FAM161A: variants seen among roughly 807,000 people sequenced by gnomAD.
FAM161A encodes protein FAM161A.
FAM161A carries 57 observed loss-of-function variants against 70.9 expected under a neutral mutation model. The ratio of observed to expected loss-of-function variants is 0.80; its 90% CI spans 0.65 to 1.00. FAM161A has a LOEUF of 1.00. FAM161A is among the 50% of genes least tolerant of loss of function. The pLI is 0.00. For missense variants in FAM161A, 880 were observed against 836.0 expected (o/e 1.05, Z -0.65); for synonymous variants, 299 against 295.7 (o/e 1.01, Z -0.12).
the FAM161A span, among the ~76,000 whole-genome samples, chr2:61,805,800 C>T: frequency 6.6e-6 from 1 of 151,940 alleles, no homozygotes; most frequent in African/African-American, 2.4e-5. Flanking sequence ...CTGGGCAATG[C>T]AAAAACACCA....
the FAM161A span, among the ~76,000 whole-genome samples, chr2:61,804,850 AAGGG>A: frequency 4.8e-4 from 70 of 145,848 alleles, no homozygotes; most frequent in Middle Eastern, 7.0e-3. Context: ...AGCAAGGAAG[AAGGG>A]AGGGAGGGAG....
chr2:61,805,344 C>T, the FAM161A span, among the ~76,000 whole-genome samples: 11 of 152,252 alleles, frequency 7.2e-5, no homozygotes, highest in African/African-American at 2.4e-4. Context: ...GGCAAAACCC[C>T]GTGTCTACTA....
Position 61,849,155 on chromosome 2 carries a change from T to C in FAM161A, c.183+4704A>G, listed in dbSNP as rs888053899. ...ATACTTATATATATTTATATATTTA[T>C]TTATATATTTATATAGTATGTACTG... On this transcript the variant is annotated intron_variant, in intron 1 of 6. Coordinates refer to ENST00000404929, the MANE Select transcript of FAM161A (RefSeq NM_001201543.2). Among the ~76,000 whole-genome samples the C allele has an allele frequency of 9.2e-5, 12 of 130,940 alleles. No homozygotes were observed. The South Asian group carries it at 2.4e-3, about 27-fold the overall frequency. The allele number at this position is 130,940 out of a possible 152,430, so 85.9% of individuals were successfully genotyped here.
At position 61,826,120 on chromosome 2, in the gene FAM161A, A is replaced by C; in HGVS notation, c.*335T>G. The C allele has an allele frequency of 2.1e-6, 1 of 483,966 alleles. No individual in the cohort carries two copies. 30.0% of individuals were successfully genotyped at this position (483,966 alleles called of 1,614,324 possible). ...ACCAATACTTCTCTCTCCTTTCAAT[A>C]CTAAGCCATTTTTTCCAGTAAAATT... is the stretch of plus-strand genomic sequence containing the variant. On this transcript the variant is annotated 3_prime_UTR_variant, in exon 7 of 7. Coordinates refer to ENST00000404929, the MANE Select transcript of FAM161A (RefSeq NM_001201543.2).
rs1572881318 is a variant in FAM161A at position 61,840,526 on chromosome 2, C to T, written c.478G>A (p.Glu160Lys). Residue 160 changes from glutamate to lysine, a missense_variant, in exon 3 of 7, where the codon GAG becomes AAG. By Grantham distance (56) the Glu-to-Lys change is moderately conservative. Transcript: ENST00000404929. ...GAGGAAGACTGGCCTAAATCAGGCT[C>T]TGAAAATGATGTCATTAATGAGACA... The part of the protein sequence containing the change: ...HPVSLMTSFS[E>K]PDLGQSSSLY... 1.2e-6 allele frequency: 2 copies of T among 1,613,912 alleles called. No homozygotes were observed. The highest frequency in any genetic ancestry group is 1.7e-6 in the Non-Finnish European group (2 of 1,179,846).
Position 61,836,015 on chromosome 2 carries a change from C to T in FAM161A, c.1846G>A (p.Ala616Thr). 1.3e-6 allele frequency: 2 copies of T among 1,597,230 alleles called. No individual in the cohort carries two copies. Among genetic ancestry groups the T allele is most frequent in the Non-Finnish European group, 8.6e-7 (1 of 1,169,362 alleles). Residue 616 changes from alanine to threonine, a missense_variant, in exon 5 of 7, where the codon GCT (alanine) becomes ACT (threonine). By Grantham distance (58) the Ala-to-Thr change is moderately conservative. Transcript: ENST00000404929. ...KKRPLLFERV[A>T]QKNARMAAEK... ...TAAATTCCAATAAACACAACCTGAGCAACTCTTTCAAATAGCAGTGGCCTC... is the reference window on the plus strand; with the variant it reads ...TAAATTCCAATAAACACAACCTGAGTAACTCTTTCAAATAGCAGTGGCCTC...
At chr2:61,800,551 G>A in the FAM161A span, among the ~76,000 whole-genome samples, 9 of 152,168 alleles carry the variant, frequency 5.9e-5, no homozygotes, top group Non-Finnish European at 4.4e-5. Flanking sequence ...AGGAAGAAGG[G>A]AAGGACAATG....
chr2:61,843,440 T>C (rs1673093145), intron 1 of FAM161A, among the ~76,000 whole-genome samples: 1 of 152,220 alleles, frequency 6.6e-6, no homozygotes, highest in Admixed American at 6.5e-5. Flanking sequence ...TCAGTTCTTT[T>C]AATTGAAGCA....
chr2:61,837,807 C>T (rs1672831480), intron 4 of FAM161A, among the ~76,000 whole-genome samples: 1 of 152,106 alleles, frequency 6.6e-6, no homozygotes, highest in South Asian at 2.1e-4. Flanking sequence ...TTCTAAGAAA[C>T]ATTATGCTCA....
chr2:61,832,086 A>T (rs1322953614), intron 5 of FAM161A, among the ~76,000 whole-genome samples: 1 of 152,002 alleles, frequency 6.6e-6, no homozygotes, highest in Non-Finnish European at 1.5e-5. Flanking sequence ...CTTTACAAAA[A>T]ATACAAAAAT....
the FAM161A span, among the ~76,000 whole-genome samples, chr2:61,800,286 G>A: frequency 1.3e-5 from 2 of 152,238 alleles, no homozygotes; most frequent in African/African-American, 4.8e-5. Context: ...CACAAAAATG[G>A]AAATACTGAA....
intron 1 of FAM161A, among the ~76,000 whole-genome samples, chr2:61,851,413 T>C (rs548936857): frequency 6.6e-6 from 1 of 152,274 alleles, no homozygotes; most frequent in East Asian, 1.9e-4. Flanking sequence ...CTCAGCTCAC[T>C]GCAACCTCCG....
At chr2:61,814,974 G>A in the FAM161A span, among the ~76,000 whole-genome samples, 2 of 152,308 alleles carry the variant, frequency 1.3e-5, no homozygotes, top group African/African-American at 4.8e-5. Context: ...TTTTTCAGCT[G>A]ACAGTCTCTA....
At chr2:61,827,790 C>T (rs1672430133) in intron 5 of FAM161A, among the ~76,000 whole-genome samples, 3 of 152,126 alleles carry the variant, frequency 2.0e-5, no homozygotes, top group Admixed American at 6.6e-5. Flanking sequence ...CAGGATAGTA[C>T]TGTCCTTCAA....
At chr2:61,804,778 G>GAAAGAAAA in the FAM161A span, among the ~76,000 whole-genome samples, 2 of 131,534 alleles carry the variant, frequency 1.5e-5, no homozygotes, top group African/African-American at 5.8e-5. Flanking sequence ...GAGAAAGAAA[G>GAAAGAAAA]AAAGAAAGAA....
At chr2:61,811,786 G>A in the FAM161A span, among the ~76,000 whole-genome samples, 6 of 152,206 alleles carry the variant, frequency 3.9e-5, no homozygotes, top group South Asian at 2.1e-4. Flanking sequence ...GATTACAGGC[G>A]TGAGCCACTG....
rs1673586355 is a variant in FAM161A, at chr2:61,853,926, A to G, written c.116T>C (p.Leu39Pro). The G allele has an allele frequency of 1.2e-6, 2 of 1,613,906 alleles. No individual in the cohort carries two copies. Among genetic ancestry groups the G allele is most frequent in the Non-Finnish European group, 1.7e-6 (2 of 1,179,834 alleles). The change falls in exon 1 of 7, where the codon CTG becomes CCG. Residue 39 changes from leucine (L) to proline (P), a missense_variant. Physicochemically the swap from Leu to Pro is moderately conservative, Grantham distance 98 (BLOSUM62 -3). Coordinates refer to ENST00000404929, the MANE Select transcript of FAM161A (RefSeq NM_001201543.2). ...QYEREDPLKA[L>P]AAAEAILEDE... ...CTCCAAGATCGCCTCCGCTGCCGCCAGGGCCTTTAAGGGGTCTTCGCGTTC... is the reference window on the plus strand; with the variant it reads ...CTCCAAGATCGCCTCCGCTGCCGCCGGGGCCTTTAAGGGGTCTTCGCGTTC...
chr2:61,834,268 A>C (rs767173841), intron 5 of FAM161A, among the ~76,000 whole-genome samples: 1 of 152,100 alleles, frequency 6.6e-6, no homozygotes, highest in Non-Finnish European at 1.5e-5. Flanking sequence ...ACCAAACATC[A>C]TATGTTCTCA....
chr2:61,804,758 GAAAA>G, the FAM161A span, among the ~76,000 whole-genome samples: 10 of 66,374 alleles, frequency 1.5e-4, no homozygotes, highest in African/African-American at 6.6e-4. Flanking sequence ...AAGAAAGAAA[GAAAA>G]AGAAAGAGAA....
Sources: allele counts gnomAD v4.1 joint callset (sites outside exome capture counted in the v4.1 genomes callset), GRCh38; gene constraint gnomAD v4.1.1; transcripts MANE v1.5; gene names NCBI Gene and HGNC (gene_info 2026-07-23, HGNC 2026-07-21).